Variants in LRRIQ3 observed in about 807,000 individuals in gnomAD.
The protein encoded by LRRIQ3 is leucine-rich repeat and IQ domain-containing protein 3.
Under a neutral mutation model 59.3 loss-of-function variants are expected in LRRIQ3, and 75 were observed. The observed-to-expected ratio is 1.26, with a 90% CI of 1.05 to 1.53. The LOEUF (loss-of-function observed/expected upper bound fraction) is 1.53, where lower values mean the gene tolerates loss of function less well. Among genes scored for constraint, LRRIQ3 ranks in the 40% most tolerant of loss-of-function variants. LRRIQ3 has a pLI of 0.00. For synonymous variants in LRRIQ3, 250 were observed against 231.3 expected, an observed-to-expected ratio of 1.08 and a Z score of -0.73; for missense variants, 831 against 710.0, an observed-to-expected ratio of 1.17 and a Z score of -1.94.
chr1:74,187,638 A>G (rs1650489716), intron 1 of LRRIQ3, among the ~76,000 whole-genome samples: 1 of 152,172 alleles, frequency 6.6e-6, no homozygotes. Flanking sequence ...GGTACAGTGC[A>G]CACTGCTTGG....
intron 5 of LRRIQ3, among the ~76,000 whole-genome samples, chr1:74,079,693 T>A (rs1646251810): frequency 6.6e-6 from 1 of 151,808 alleles, no homozygotes; most frequent in African/African-American, 2.4e-5. Flanking sequence ...CAATAAATAC[T>A]CAATAATTAT....
intron 6 of LRRIQ3, among the ~76,000 whole-genome samples, chr1:74,065,734 A>G (rs1039628462): frequency 6.6e-6 from 1 of 152,122 alleles, no homozygotes; most frequent in Non-Finnish European, 1.5e-5. Flanking sequence ...ATTAAATATT[A>G]GCTCACTCTT....
chr1:74,196,125 G>A (rs114398985), intron 1 of LRRIQ3, among the ~76,000 whole-genome samples: 2,732 of 151,842 alleles, frequency 0.018, 47 homozygotes, highest in Middle Eastern at 0.065. Context: ...TAGTCATATT[G>A]AGAAAAAATA....
chr1:74,049,546 A>G (rs1316174347), intron 6 of LRRIQ3, among the ~76,000 whole-genome samples: 5 of 152,180 alleles, frequency 3.3e-5, no homozygotes, highest in Admixed American at 3.3e-4. Context: ...CAGAAGTGAG[A>G]AAGAAAAAAA....
intron 4 of LRRIQ3, among the ~76,000 whole-genome samples, chr1:74,143,213 C>T (rs1350261318): frequency 6.6e-6 from 1 of 151,794 alleles, no homozygotes; most frequent in African/African-American, 2.4e-5. Context: ...GTAAGATGAA[C>T]GGGAGACACT....
intron 7 of LRRIQ3, among the ~76,000 whole-genome samples, chr1:74,028,962 A>G (rs996233328): frequency 2.6e-5 from 4 of 152,006 alleles, no homozygotes; most frequent in African/African-American, 9.7e-5. Flanking sequence ...AAGTCAATAA[A>G]TGTACTAAAA....
At chr1:74,173,294 C>CAAA (rs71078187) in intron 3 of LRRIQ3, among the ~76,000 whole-genome samples, 6 of 117,462 alleles carry the variant, frequency 5.1e-5, no homozygotes, top group African/African-American at 1.1e-4. Context: ...GAGTCCATCT[C>CAAA]AAAAAAAAAA....
intron 5 of LRRIQ3, among the ~76,000 whole-genome samples, chr1:74,075,005 C>A (rs1414900500): frequency 6.6e-6 from 1 of 151,926 alleles, no homozygotes; most frequent in Non-Finnish European, 1.5e-5. Flanking sequence ...TGTACCTTGG[C>A]CAATGCTGTG....
intron 6 of LRRIQ3, among the ~76,000 whole-genome samples, chr1:74,052,616 C>T (rs904861477): frequency 6.6e-6 from 1 of 152,132 alleles, no homozygotes; most frequent in African/African-American, 2.4e-5. Flanking sequence ...CTGCTTTTCT[C>T]ACACTCTGGG....
At chr1:74,029,170 T>G (rs1341284750) in intron 7 of LRRIQ3, among the ~76,000 whole-genome samples, 1 of 152,098 alleles carries the variant, frequency 6.6e-6, no homozygotes, top group African/African-American at 2.4e-5. Flanking sequence ...ACAGGGACAA[T>G]TTGACTTCCT....
intron 6 of LRRIQ3, among the ~76,000 whole-genome samples, chr1:74,063,507 T>C (rs957580109): frequency 1.3e-5 from 2 of 152,240 alleles, no homozygotes; most frequent in South Asian, 4.1e-4. Context: ...TTCTTATTGT[T>C]GCATTGTCTA....
intron 5 of LRRIQ3, among the ~76,000 whole-genome samples, chr1:74,094,836 G>T (rs1302886650): frequency 6.6e-6 from 1 of 152,080 alleles, no homozygotes; most frequent in Non-Finnish European, 1.5e-5. Flanking sequence ...TTTTAGGTTT[G>T]CTCCCTTTGG....
chr1:74,031,987 C>T (rs539230985), intron 7 of LRRIQ3, among the ~76,000 whole-genome samples: 1 of 151,708 alleles, frequency 6.6e-6, no homozygotes, highest in South Asian at 2.1e-4. Flanking sequence ...TTAAAAAGAT[C>T]TAAATTAATG....
At chr1:74,187,363 C>A (rs565180328) in intron 1 of LRRIQ3, among the ~76,000 whole-genome samples, 103 of 151,836 alleles carry the variant, frequency 6.8e-4, no homozygotes, top group Non-Finnish European at 1.2e-3. Context: ...TACACACACA[C>A]ACACACACAC....
intron 5 of LRRIQ3, among the ~76,000 whole-genome samples, chr1:74,108,722 T>G (rs1646646627): frequency 6.6e-6 from 1 of 151,756 alleles, no homozygotes; most frequent in Non-Finnish European, 1.5e-5. Flanking sequence ...TACCATTAAT[T>G]AGTGTCCAAA....
chr1:74,036,225 T>A (rs1653868597), intron 7 of LRRIQ3, among the ~76,000 whole-genome samples: 1 of 152,170 alleles, frequency 6.6e-6, no homozygotes, highest in Non-Finnish European at 1.5e-5. Context: ...GCAGAAAGAT[T>A]GCTCTCAACT....
intron 5 of LRRIQ3, among the ~76,000 whole-genome samples, chr1:74,085,465 CA>C (rs1161734348): frequency 6.6e-6 from 1 of 151,542 alleles, no homozygotes; most frequent in Non-Finnish European, 1.5e-5. Context: ...ACCTGAATAA[CA>C]TCAGAGAGAG....
chr1:74,061,538 C>G (rs1654721182), intron 6 of LRRIQ3, among the ~76,000 whole-genome samples: 1 of 152,044 alleles, frequency 6.6e-6, no homozygotes, highest in South Asian at 2.1e-4. Context: ...TGACTTCAAA[C>G]TATACTACAT....
chr1:74,027,317 T>C (rs551074211), intron 7 of LRRIQ3, among the ~76,000 whole-genome samples: 2 of 152,242 alleles, frequency 1.3e-5, no homozygotes, highest in East Asian at 3.9e-4. Context: ...TTCCACCATA[T>C]TCATATGTCA....
Sources: gnomAD v4.1 joint callset for allele counts (sites outside exome capture counted in the v4.1 genomes callset) on GRCh38, gnomAD v4.1.1 for gene constraint, MANE v1.5 for transcripts, NCBI Gene and HGNC (gene_info 2026-07-23, HGNC 2026-07-21) for gene names.